The following MCUB variants were observed in gnomAD, a reference collection of about 807,000 sequenced individuals.
MCUB encodes mitochondrial calcium uniporter dominant negative subunit beta, also known as calcium uniporter regulatory subunit MCUb, mitochondrial.
A neutral mutation model predicts 41.4 loss-of-function variants in MCUB; 46 were observed. The ratio of observed to expected loss-of-function variants is 1.11; its 90% CI spans 0.88 to 1.42. The LOEUF is 1.42. MCUB is among the 40% of genes most tolerant of loss of function. The pLI is 0.00. For synonymous variants in MCUB, 148 were observed against 148.2 expected (o/e 1.00, Z 0.01); for missense variants, 403 against 404.9 (o/e 1.00, Z 0.04).
At chr4:109,605,291 G>A (rs115496212) in intron 1 of MCUB, among the ~76,000 whole-genome samples, 1,852 of 152,100 alleles carry the variant, frequency 0.012, 36 homozygotes, top group African/African-American at 0.042. Flanking sequence ...CTGACTCACT[G>A]GTCATTCAGG....
intron 5 of MCUB, 137 bp from the exon 6 acceptor site, chr4:109,684,306 C>T: frequency 1.7e-6 from 1 of 589,616 alleles, no homozygotes; most frequent in Non-Finnish European, 2.9e-6. Flanking sequence ...TCGTGATCCG[C>T]CCACCTCGGC....
At chr4:109,666,881 T>G (rs1729357473) in intron 4 of MCUB, among the ~76,000 whole-genome samples, 1 of 152,214 alleles carries the variant, frequency 6.6e-6, no homozygotes, top group African/African-American at 2.4e-5. Flanking sequence ...TCTGTTGATA[T>G]GATGGATTAC....
In MCUB at chr4:109,687,864, A is replaced by C; in HGVS notation, c.*272A>C. 2.6e-6 allele frequency: 1 copy of C among 390,264 alleles called. No individual in the cohort carries two copies. The allele number at this position is 390,264 out of a possible 1,614,324, so 24.2% of individuals were successfully genotyped here. On this transcript the variant is annotated 3_prime_UTR_variant, in exon 8 of 8. Transcript: ENST00000394650. ...TCAGCTTGTCCCACGTTTATTCTCT[A>C]TGTGGAGGTGAAAGGGTCTGTGCTT...
intron 1 of MCUB, among the ~76,000 whole-genome samples, chr4:109,620,063 T>G (rs1006588308): frequency 6.6e-6 from 1 of 152,162 alleles, no homozygotes; most frequent in Non-Finnish European, 1.5e-5. Context: ...TTCTGAGGCC[T>G]CTAGGCATCA....
chr4:109,600,880 T>C (rs1348012683), intron 1 of MCUB, among the ~76,000 whole-genome samples: 1 of 152,090 alleles, frequency 6.6e-6, no homozygotes, highest in Non-Finnish European at 1.5e-5. Context: ...CTGCAACCTC[T>C]GCCTCCTGGG....
At chr4:109,597,915 C>T (rs910228753) in intron 1 of MCUB, among the ~76,000 whole-genome samples, 18 of 149,580 alleles carry the variant, frequency 1.2e-4, no homozygotes, top group Non-Finnish European at 2.5e-4. Flanking sequence ...ACCTCCCAGA[C>T]GGGGTCGCGG....
At position 109,602,300 on chromosome 4, in the gene MCUB, TGA is replaced by T. The variant is rs899011507; in HGVS notation, c.99+41868_99+41869del. ...CTCAAGAAATCTTTGCCTGCTCCAGTGAGAGTTTCCCCAATGTTTTCTTGTAG... is the reference window on the plus strand; with the variant it reads ...CTCAAGAAATCTTTGCCTGCTCCAGTGAGTTTCCCCAATGTTTTCTTGTAG... On this transcript the variant is annotated intron_variant, in intron 1 of 7. Transcript: ENST00000394650. 1.2e-3 allele frequency among the ~76,000 whole-genome samples: 176 copies of T among 152,344 alleles called. 1 individual carries two copies. The highest frequency in any genetic ancestry group is 4.2e-3 in the African/African-American group (173 of 41,588).
chr4:109,567,793 G>T (rs1010060531), intron 1 of MCUB, among the ~76,000 whole-genome samples: 3 of 151,982 alleles, frequency 2.0e-5, no homozygotes, highest in Non-Finnish European at 4.4e-5. Context: ...CCACCTCCCG[G>T]GTTCAAGCAA....
intron 1 of MCUB, among the ~76,000 whole-genome samples, chr4:109,646,540 T>C (rs2126141552): frequency 6.6e-6 from 1 of 152,356 alleles, no homozygotes; most frequent in Admixed American, 6.5e-5. Context: ...GGAAAAGTGA[T>C]TTTAAAATGT....
chr4:109,582,279 A>G (rs1727196954), intron 1 of MCUB, among the ~76,000 whole-genome samples: 1 of 150,908 alleles, frequency 6.6e-6, no homozygotes, highest in Admixed American at 6.6e-5. Flanking sequence ...TTGCAAGGAC[A>G]AAAAACCAAA....
At chr4:109,655,810 G>T (rs754035813) in intron 1 of MCUB, among the ~76,000 whole-genome samples, 10 of 152,260 alleles carry the variant, frequency 6.6e-5, no homozygotes, top group African/African-American at 2.4e-4. Context: ...GCTTCTCACA[G>T]TGTGGTTCTC....
intron 1 of MCUB, among the ~76,000 whole-genome samples, chr4:109,617,585 G>C (rs1431937423): frequency 6.6e-6 from 1 of 152,048 alleles, no homozygotes; most frequent in Admixed American, 6.5e-5. Context: ...GGGGTCTAAA[G>C]TTTTTCAAAG....
intron 1 of MCUB, among the ~76,000 whole-genome samples, chr4:109,612,934 G>A (rs564830519): frequency 6.6e-6 from 1 of 151,960 alleles, no homozygotes; most frequent in Non-Finnish European, 1.5e-5. Flanking sequence ...GTGAAATCCC[G>A]TCTCTACTAA....
chr4:109,605,469 G>A (rs1727848248), intron 1 of MCUB, among the ~76,000 whole-genome samples: 1 of 152,208 alleles, frequency 6.6e-6, no homozygotes, highest in African/African-American at 2.4e-5. Context: ...CCTTGAGAAT[G>A]ATCCATGTGC....
At chr4:109,597,669 C>T (rs376463098) in intron 1 of MCUB, among the ~76,000 whole-genome samples, 1 of 135,930 alleles carries the variant, frequency 7.4e-6, no homozygotes, top group Non-Finnish European at 1.6e-5. Flanking sequence ...GACCGGGCGG[C>T]TGGCCGGGCG....
At chr4:109,668,965 T>C (rs968846766) in intron 4 of MCUB, among the ~76,000 whole-genome samples, 2 of 152,142 alleles carry the variant, frequency 1.3e-5, no homozygotes, top group African/African-American at 4.8e-5. Flanking sequence ...CTCACGGCTG[T>C]CATTCATTTC....
chr4:109,634,832 C>T (rs542561548), intron 1 of MCUB, among the ~76,000 whole-genome samples: 54 of 152,236 alleles, frequency 3.5e-4, no homozygotes, highest in Middle Eastern at 3.4e-3. Flanking sequence ...TATTATTATA[C>T]TGGGATACAT....
chr4:109,580,856 G>C (rs996911439), intron 1 of MCUB, among the ~76,000 whole-genome samples: 17 of 152,086 alleles, frequency 1.1e-4, no homozygotes, highest in African/African-American at 3.9e-4. Flanking sequence ...AGTTTCTTTT[G>C]CTGTGCAGAA....
intron 1 of MCUB, among the ~76,000 whole-genome samples, chr4:109,647,674 T>C (rs190111013): frequency 1.3e-4 from 20 of 152,294 alleles, no homozygotes; most frequent in Admixed American, 9.8e-4. Context: ...TACCATATTT[T>C]AATTGCTAGA....
Sources: gnomAD v4.1 joint callset for allele counts (sites outside exome capture counted in the v4.1 genomes callset) on GRCh38, gnomAD v4.1.1 for gene constraint, MANE v1.5 for transcripts, NCBI Gene and HGNC (gene_info 2026-07-23, HGNC 2026-07-21) for gene names.